The following SETBP1 variants were observed in gnomAD, a reference collection of about 807,000 sequenced individuals.
SETBP1 encodes SET-binding protein.
SETBP1 carries 9 observed loss-of-function variants against 101.0 expected under a neutral mutation model. The ratio of observed to expected loss-of-function variants is 0.09; its 90% CI spans 0.05 to 0.16. The LOEUF is 0.16. Among genes scored for constraint, SETBP1 ranks in the 10% least tolerant of loss-of-function variants. The pLI, the probability that SETBP1 is intolerant of heterozygous loss-of-function variation, is 1.00. For synonymous variants in SETBP1, 818 were observed against 788.5 expected (o/e 1.04, Z -0.63); for missense variants, 1,858 against 2,033.8 (o/e 0.91, Z 1.66).
chr18:44,929,202 C>T (rs1198429538), intron 3 of SETBP1, among the ~76,000 whole-genome samples: 2 of 152,134 alleles, frequency 1.3e-5, no homozygotes, highest in Non-Finnish European at 2.9e-5. Context: ...ATCCTTTCCC[C>T]ATTTCTTGTT....
chr18:44,826,855 T>C (rs555296973), intron 2 of SETBP1, among the ~76,000 whole-genome samples: 36 of 152,264 alleles, frequency 2.4e-4, no homozygotes, highest in Admixed American at 2.2e-3. Flanking sequence ...GGCCCTTCTG[T>C]GGTTCAAACA....
At chr18:44,830,559 T>G (rs2072340563) in intron 2 of SETBP1, among the ~76,000 whole-genome samples, 1 of 152,184 alleles carries the variant, frequency 6.6e-6, no homozygotes, top group Admixed American at 6.5e-5. Context: ...TCCTGTCTCT[T>G]TTTTGCCTAT....
At chr18:44,841,694 C>G (rs1427245140) in intron 2 of SETBP1, among the ~76,000 whole-genome samples, 2 of 152,192 alleles carry the variant, frequency 1.3e-5, no homozygotes, top group Non-Finnish European at 2.9e-5. Flanking sequence ...CAATTACCTT[C>G]TTCCTATGAT....
chr18:44,877,251 G>A, intron 3 of SETBP1: 1 of 652,508 alleles, frequency 1.5e-6, no homozygotes, highest in Non-Finnish European at 1.9e-6. Context: ...GCATGTGATT[G>A]TTTTCCTACG....
intron 2 of SETBP1, among the ~76,000 whole-genome samples, chr18:44,724,974 A>G (rs1285847621): frequency 1.3e-5 from 2 of 152,168 alleles, no homozygotes; most frequent in Admixed American, 1.3e-4. Context: ...AAGGAGCTGT[A>G]TGAATGTGCC....
intron 4 of SETBP1, among the ~76,000 whole-genome samples, chr18:44,975,041 C>A (rs1435402360): frequency 6.6e-6 from 1 of 152,140 alleles, no homozygotes; most frequent in Non-Finnish European, 1.5e-5. Context: ...ATACACGTGG[C>A]CCTCTTATCA....
chr18:44,825,097 G>C (rs144144872), intron 2 of SETBP1, among the ~76,000 whole-genome samples: 2 of 152,192 alleles, frequency 1.3e-5, no homozygotes, highest in Non-Finnish European at 2.9e-5. Context: ...TCCCCACCTG[G>C]GGGCATTAAG....
chr18:44,934,145 CT>C (rs112443508), intron 3 of SETBP1, among the ~76,000 whole-genome samples: 17,717 of 143,332 alleles, frequency 0.12, 946 homozygotes, highest in East Asian at 0.15. Flanking sequence ...GTTGTTTTCC[CT>C]TTTTTTTTTT....
chr18:44,687,890 C>G (rs1166164770), intron 1 of SETBP1, among the ~76,000 whole-genome samples: 1 of 152,098 alleles, frequency 6.6e-6, no homozygotes, highest in East Asian at 1.9e-4. Context: ...CCTGGTCTGC[C>G]CAGCCACATT....
intron 2 of SETBP1, among the ~76,000 whole-genome samples, chr18:44,704,210 G>T (rs942423045): frequency 6.6e-6 from 1 of 152,242 alleles, no homozygotes; most frequent in Non-Finnish European, 1.5e-5. Flanking sequence ...AAGCTGAAAT[G>T]TGCAGTGGAC....
chr18:44,891,657 T>G (rs1345594936), intron 3 of SETBP1, among the ~76,000 whole-genome samples: 1 of 152,144 alleles, frequency 6.6e-6, no homozygotes, highest in African/African-American at 2.4e-5. Context: ...AAAAATGTAT[T>G]TGAGGCCTGC....
chr18:45,038,110 G>A lies in SETBP1; in HGVS notation c.4001-375G>A, dbSNP rs367887884. Among the ~76,000 whole-genome samples, 5 of 152,050 alleles carry A rather than the reference G, an allele frequency of 3.3e-5. No individual in the cohort carries two copies. In the East Asian group the frequency reaches 5.8e-4, roughly 18 times the overall value. ...TGGATGAGATGAGAAGTCTTACTAG[G>A]GTGGGAGCCATGTCTCTTCCACTCT... is the stretch of plus-strand genomic sequence containing the variant. On this transcript the variant is annotated intron_variant, in intron 4 of 5. Transcript: ENST00000649279.
At chr18:44,973,054 A>G (rs777169083) in intron 4 of SETBP1, among the ~76,000 whole-genome samples, 1 of 152,204 alleles carries the variant, frequency 6.6e-6, no homozygotes, top group South Asian at 2.1e-4. Context: ...CCGTCCCATC[A>G]ATACCTAATT....
chr18:44,841,489 C>T (rs1055699216), intron 2 of SETBP1, among the ~76,000 whole-genome samples: 1 of 152,166 alleles, frequency 6.6e-6, no homozygotes, highest in African/African-American at 2.4e-5. Context: ...GGATTAGGCT[C>T]CACCTTTTGA....
chr18:45,014,790 G>T lies in SETBP1; in HGVS notation c.4001-23695G>T, dbSNP rs944067193. Reference sequence around the variant, plus strand: ...GTTTCCTCCTCCATAAAATGAGAATGAATATAATGCTCCAACAAATAGACT... The same window carrying T: ...GTTTCCTCCTCCATAAAATGAGAATTAATATAATGCTCCAACAAATAGACT... On this transcript the variant is annotated intron_variant, in intron 4 of 5. Coordinates refer to ENST00000649279, the MANE Select transcript of SETBP1 (RefSeq NM_015559.3). Among the ~76,000 whole-genome samples, 7 of 152,070 alleles carry T rather than the reference G, an allele frequency of 4.6e-5. No individual in the cohort carries two copies. The South Asian group carries it at 6.2e-4, about 14-fold the overall frequency.
chr18:44,757,034 CT>C (rs781707607), intron 2 of SETBP1, among the ~76,000 whole-genome samples: 1 of 151,408 alleles, frequency 6.6e-6, no homozygotes, highest in Non-Finnish European at 1.5e-5. Flanking sequence ...ATTTTAAATT[CT>C]TTTTTTTTGG....
chr18:44,994,996 G>A (rs1288092399), intron 4 of SETBP1, among the ~76,000 whole-genome samples: 1 of 152,004 alleles, frequency 6.6e-6, no homozygotes, highest in African/African-American at 2.4e-5. Flanking sequence ...ACCTCACAAG[G>A]AAGAAAAAGG....
chr18:44,796,464 C>G (rs1040007574), intron 2 of SETBP1, among the ~76,000 whole-genome samples: 1 of 152,144 alleles, frequency 6.6e-6, no homozygotes, highest in Non-Finnish European at 1.5e-5. Context: ...ATTAAAATAC[C>G]AATGCCTGTT....
At chr18:44,980,373 A>C (rs2072085262) in intron 4 of SETBP1, among the ~76,000 whole-genome samples, 1 of 152,124 alleles carries the variant, frequency 6.6e-6, no homozygotes, top group Non-Finnish European at 1.5e-5. Flanking sequence ...ATTTTACTAC[A>C]ATATGTATTA....
Sources: gnomAD v4.1 joint callset for allele counts (sites outside exome capture counted in the v4.1 genomes callset) on GRCh38, gnomAD v4.1.1 for gene constraint, MANE v1.5 for transcripts, NCBI Gene and HGNC (gene_info 2026-07-23, HGNC 2026-07-21) for gene names.